PRKCE: variants seen among roughly 807,000 people sequenced by gnomAD.
The protein encoded by PRKCE is protein kinase C epsilon, also known as protein kinase C epsilon type.
In PRKCE, 16 loss-of-function variants were observed where a neutral mutation model predicts 85.4. That is an observed-to-expected ratio of 0.19 (90% CI 0.13 to 0.28). The LOEUF (loss-of-function observed/expected upper bound fraction) is 0.28. Ranked by LOEUF, PRKCE falls within the 10% of genes least tolerant of loss-of-function variation. PRKCE has a pLI of 1.00. For missense variants in PRKCE, 573 were observed against 975.2 expected, an observed-to-expected ratio of 0.59 and a Z score of 5.49; for synonymous variants, 388 against 371.5, an observed-to-expected ratio of 1.04 and a Z score of -0.51.
chr2:46,113,924 T>G (rs1438175729), intron 11 of PRKCE, among the ~76,000 whole-genome samples: 3 of 152,194 alleles, frequency 2.0e-5, no homozygotes, highest in Admixed American at 1.3e-4. Flanking sequence ...TCTCTACAGT[T>G]TTCTCTTCAA....
intron 11 of PRKCE, among the ~76,000 whole-genome samples, chr2:46,136,768 A>G (rs896352843): frequency 6.6e-6 from 1 of 152,098 alleles, no homozygotes; most frequent in African/African-American, 2.4e-5. Flanking sequence ...TTCCCTGGGA[A>G]CTTTGTGTTT....
intron 2 of PRKCE, among the ~76,000 whole-genome samples, chr2:45,963,368 G>T (rs1204313963): frequency 6.6e-6 from 1 of 152,068 alleles, no homozygotes; most frequent in Non-Finnish European, 1.5e-5. Flanking sequence ...GAGTGTGGTG[G>T]CGTGATCTCG....
chr2:46,001,199 G>T lies in PRKCE; in HGVS notation c.824-205G>T, dbSNP rs1224946976. ...CTGGAATGAAGTACTAGAAACAGTG[G>T]TTATCTCTGCAAGGTGGTTTAATGA... On this transcript the variant is annotated intron_variant, in intron 6 of 14. Coordinates refer to ENST00000306156, the MANE Select transcript of PRKCE (RefSeq NM_005400.3). The surrounding 1 kb of genome is among the most constrained non-coding windows in gnomAD (Gnocchi z 4.4). Among the ~76,000 whole-genome samples the T allele has an allele frequency of 1.3e-5, 2 of 151,354 alleles. No individual in the cohort carries two copies. Among genetic ancestry groups the T allele is most frequent in the African/African-American group, 2.4e-5 (1 of 41,050 alleles).
Position 46,178,215 on chromosome 2 carries a change from G to A in PRKCE, c.2068-6520G>A, listed in dbSNP as rs376781794. On this transcript the variant is annotated intron_variant, in intron 14 of 14. Coordinates refer to ENST00000306156, the MANE Select transcript of PRKCE (RefSeq NM_005400.3). ...GCGGAGGTTGCAGTGAGCCAAGATTGTGCTATTGCACTCCAGCCTGGGCAA... is the reference window on the plus strand; with the variant it reads ...GCGGAGGTTGCAGTGAGCCAAGATTATGCTATTGCACTCCAGCCTGGGCAA... Among the ~76,000 whole-genome samples the A allele has an allele frequency of 2.2e-4, 33 of 152,302 alleles. No homozygotes were observed. The East Asian group carries it at 6.0e-3, about 28-fold the overall frequency.
chr2:45,952,733 TG>T (rs967928019), intron 2 of PRKCE, among the ~76,000 whole-genome samples: 1 of 152,248 alleles, frequency 6.6e-6, no homozygotes, highest in African/African-American at 2.4e-5. Context: ...TTTTGATTGA[TG>T]GGAGGGCCAT....
At chr2:45,957,772 C>T (rs1574021028) in intron 2 of PRKCE, among the ~76,000 whole-genome samples, 1 of 152,090 alleles carries the variant, frequency 6.6e-6, no homozygotes, top group South Asian at 2.1e-4. Context: ...ACAGGCAGGG[C>T]ATGGTGGCAC....
At chr2:45,890,094 T>C (rs1695609262) in intron 2 of PRKCE, among the ~76,000 whole-genome samples, 1 of 152,246 alleles carries the variant, frequency 6.6e-6, no homozygotes, top group Admixed American at 6.5e-5. Flanking sequence ...TTACCGGAGA[T>C]TTGAGTCCTC....
chr2:45,742,819 C>T (rs1341665254), intron 1 of PRKCE, among the ~76,000 whole-genome samples: 1 of 152,166 alleles, frequency 6.6e-6, no homozygotes, highest in African/African-American at 2.4e-5. Context: ...ATCACTGTCT[C>T]AAAGAGAAAT....
At chr2:46,063,991 T>C (rs1197794648) in intron 10 of PRKCE, among the ~76,000 whole-genome samples, 3 of 152,026 alleles carry the variant, frequency 2.0e-5, no homozygotes, top group African/African-American at 7.2e-5. Context: ...TCTATGAAAA[T>C]GGTTAACTGG....
chr2:45,918,946 C>T (rs534881414), intron 2 of PRKCE, among the ~76,000 whole-genome samples: 2 of 152,322 alleles, frequency 1.3e-5, no homozygotes, highest in African/African-American at 2.4e-5. Context: ...GTCACACACC[C>T]CTCCTCTTCA....
At chr2:46,123,148 CAAAAAAA>C (rs71394873) in intron 11 of PRKCE, among the ~76,000 whole-genome samples, 1 of 84,294 alleles carries the variant, frequency 1.2e-5, no homozygotes, top group African/African-American at 4.8e-5. Flanking sequence ...AGTTCACTAG[CAAAAAAA>C]AAAAAAAAAA....
intron 11 of PRKCE, among the ~76,000 whole-genome samples, chr2:46,136,106 G>C (rs1674967593): frequency 6.6e-6 from 1 of 152,116 alleles, no homozygotes; most frequent in African/African-American, 2.4e-5. Context: ...TCTAGGACAT[G>C]AAGTAATTTT....
chr2:46,150,889 C>A, intron 12 of PRKCE, 152 bp from the exon 13 acceptor site: 1 of 606,996 alleles, frequency 1.6e-6, no homozygotes, highest in Non-Finnish European at 2.7e-6. Flanking sequence ...TCAACTGTCA[C>A]TGAATTTGCT....
chr2:45,757,829 G>A (rs1439193832), intron 1 of PRKCE, among the ~76,000 whole-genome samples: 1 of 152,120 alleles, frequency 6.6e-6, no homozygotes, highest in Non-Finnish European at 1.5e-5. Flanking sequence ...GCGTGCTTAG[G>A]ATGGCAGGGG....
At position 45,793,079 on chromosome 2, in the gene PRKCE, G is replaced by A. The variant is rs892106678; in HGVS notation, c.349-49921G>A. 2.0e-5 allele frequency among the ~76,000 whole-genome samples: 3 copies of A among 152,366 alleles called. No individual in the cohort carries two copies. In the South Asian group the frequency reaches 6.2e-4, roughly 32 times the overall value. On this transcript the variant is annotated intron_variant, in intron 1 of 14. Transcript: ENST00000306156. ...CTCCCAAAGAGCTGGGATTACAGGC[G>A]TGAGCCACCCTACCCAGCCTAATTA...
intron 2 of PRKCE, among the ~76,000 whole-genome samples, chr2:45,951,357 T>G (rs990318630): frequency 1.3e-5 from 2 of 152,218 alleles, no homozygotes; most frequent in African/African-American, 4.8e-5. Flanking sequence ...AAGTCGTGTT[T>G]CCAGTCAGTC....
chr2:46,091,725 C>G (rs79092960), intron 11 of PRKCE, among the ~76,000 whole-genome samples: 1,608 of 152,218 alleles, frequency 0.011, 29 homozygotes, highest in African/African-American at 0.035. Flanking sequence ...TAAATACCAC[C>G]TGCCACAGAG....
intron 2 of PRKCE, among the ~76,000 whole-genome samples, chr2:45,969,815 T>G (rs1011401778): frequency 6.6e-6 from 1 of 152,228 alleles, no homozygotes; most frequent in African/African-American, 2.4e-5. Context: ...GCCTGCAAAT[T>G]TGCTTGACAT....
intron 1 of PRKCE, among the ~76,000 whole-genome samples, chr2:45,725,787 C>T (rs1027073012): frequency 6.6e-6 from 1 of 151,272 alleles, no homozygotes; most frequent in African/African-American, 2.4e-5. Context: ...ACCGAGATCA[C>T]ATCACTGTAC....
Sources: gnomAD v4.1 joint callset for allele counts (sites outside exome capture counted in the v4.1 genomes callset) on GRCh38, gnomAD v4.1.1 for gene constraint, Gnocchi (gnomAD v3.1) non-coding constraint, MANE v1.5 for transcripts, NCBI Gene and HGNC (gene_info 2026-07-23, HGNC 2026-07-21) for gene names.